Variants in TLK1 observed in about 807,000 individuals in gnomAD.
TLK1 encodes serine/threonine-protein kinase tousled-like 1.
Under a neutral mutation model 105.3 loss-of-function variants are expected in TLK1, and 24 were observed. The observed-to-expected ratio is 0.23, with a 90% CI of 0.17 to 0.32. The LOEUF (loss-of-function observed/expected upper bound fraction) is 0.32. Among genes scored for constraint, TLK1 ranks in the 10% least tolerant of loss-of-function variants. TLK1 has a pLI of 1.00. For synonymous variants in TLK1, 321 were observed against 310.4 expected (o/e 1.03, Z -0.36); for missense variants, 558 against 910.5 (o/e 0.61, Z 4.98).
At chr2:171,113,399 T>C (rs1422344926) in intron 2 of TLK1, among the ~76,000 whole-genome samples, 2 of 152,018 alleles carry the variant, frequency 1.3e-5, no homozygotes, top group Non-Finnish European at 2.9e-5. Flanking sequence ...GCCTCCCAAG[T>C]AGCTGGGATT....
At chr2:171,104,266 G>A (rs1409926023) in intron 2 of TLK1, among the ~76,000 whole-genome samples, 3 of 140,412 alleles carry the variant, frequency 2.1e-5, no homozygotes, top group Non-Finnish European at 3.0e-5. Context: ...ACAGAGTTGA[G>A]ATTCTGTCTC....
intron 3 of TLK1, among the ~76,000 whole-genome samples, chr2:171,074,184 C>T (rs1268377399): frequency 6.6e-6 from 1 of 152,194 alleles, no homozygotes; most frequent in Admixed American, 6.5e-5. Context: ...AGCCGCCCCT[C>T]CCGGCCACAT....
At chr2:171,183,162 T>C (rs1463629824) in intron 1 of TLK1, among the ~76,000 whole-genome samples, 1 of 152,168 alleles carries the variant, frequency 6.6e-6, no homozygotes. Flanking sequence ...AGAATAAGTG[T>C]AATATATGTA....
At chr2:171,001,104 G>A (rs1684345213) in intron 18 of TLK1, among the ~76,000 whole-genome samples, 1 of 152,154 alleles carries the variant, frequency 6.6e-6, no homozygotes, top group African/African-American at 2.4e-5. Flanking sequence ...ACTGGACACG[G>A]TTTTCTCTTG....
rs1683762604 is a variant in TLK1 at position 170,991,042 on chromosome 2, AACC to A, written c.*2735_*2737del. 1.3e-5 allele frequency: 2 copies of A among 152,148 alleles called. No homozygotes were observed. Among genetic ancestry groups the A allele is most frequent in the South Asian group, 2.1e-4 (1 of 4,832 alleles). 9.4% of individuals were successfully genotyped at this position (152,148 alleles called of 1,614,324 possible). ...AAAGATTGAGTCTTTATTTTTGAAA[AACC>A]ACCAAGTATCTCCAACTCCCAACTT... is the stretch of plus-strand genomic sequence containing the variant. On this transcript the variant is annotated 3_prime_UTR_variant, in exon 21 of 21. Coordinates refer to ENST00000431350, the MANE Select transcript of TLK1 (RefSeq NM_012290.5).
rs1323787292 is a variant in TLK1, at chr2:171,006,135, T to C, written c.1904+12A>G. 1.5e-5 allele frequency: 24 copies of C among 1,565,984 alleles called. No homozygotes were observed. The highest frequency in any genetic ancestry group is 1.8e-5 in the Non-Finnish European group (21 of 1,161,632). ...AATCTAGACATTCTGATGTTTTTAGTAATACACTTACCAGTAAGTGCCTGC... is the reference window on the plus strand; with the variant it reads ...AATCTAGACATTCTGATGTTTTTAGCAATACACTTACCAGTAAGTGCCTGC... On this transcript the variant is annotated intron_variant, in intron 18 of 20. Coordinates refer to ENST00000431350, the MANE Select transcript of TLK1 (RefSeq NM_012290.5).
At chr2:171,101,396 C>A (rs768602887) in intron 2 of TLK1, among the ~76,000 whole-genome samples, 4 of 144,012 alleles carry the variant, frequency 2.8e-5, no homozygotes, top group African/African-American at 5.3e-5. Context: ...TATTGTATCA[C>A]TCCATTGATA....
At chr2:171,189,782 C>G (rs1361584783) in intron 1 of TLK1, among the ~76,000 whole-genome samples, 1 of 152,088 alleles carries the variant, frequency 6.6e-6, no homozygotes. Flanking sequence ...GGTTTTTGCC[C>G]TCATGTTGTC....
At chr2:171,040,408 T>C (rs904958400) in intron 11 of TLK1, among the ~76,000 whole-genome samples, 1 of 152,154 alleles carries the variant, frequency 6.6e-6, no homozygotes, top group African/African-American at 2.4e-5. Flanking sequence ...GAAGAGAATG[T>C]ATCCGTGTGG....
chr2:171,095,259 G>C (rs369972206), intron 2 of TLK1, among the ~76,000 whole-genome samples: 4 of 151,336 alleles, frequency 2.6e-5, no homozygotes, highest in Admixed American at 2.6e-4. Context: ...CAAGCAGGGG[G>C]GAAAATATAT....
intron 2 of TLK1, among the ~76,000 whole-genome samples, chr2:171,109,565 A>G (rs1182914180): frequency 6.6e-6 from 1 of 152,230 alleles, no homozygotes; most frequent in Non-Finnish European, 1.5e-5. Flanking sequence ...AGAACAATCA[A>G]AGTTCTTATA....
intron 1 of TLK1, among the ~76,000 whole-genome samples, chr2:171,194,624 T>C (rs1693225502): frequency 6.6e-6 from 1 of 152,004 alleles, no homozygotes; most frequent in Non-Finnish European, 1.5e-5. Flanking sequence ...GAGACCATCC[T>C]GGCTAACACG....
intron 11 of TLK1, among the ~76,000 whole-genome samples, chr2:171,043,994 A>G (rs1005723633): frequency 6.6e-6 from 1 of 152,246 alleles, no homozygotes; most frequent in Non-Finnish European, 1.5e-5. Flanking sequence ...AAATTAATAT[A>G]GTCAAAATGT....
intron 4 of TLK1, among the ~76,000 whole-genome samples, chr2:171,060,802 A>G (rs952666776): frequency 6.6e-6 from 1 of 152,180 alleles, no homozygotes; most frequent in African/African-American, 2.4e-5. Context: ...TTCAAAAACA[A>G]GCCATTTCAA....
At chr2:171,119,977 T>C (rs1362963721) in intron 1 of TLK1, among the ~76,000 whole-genome samples, 1 of 152,154 alleles carries the variant, frequency 6.6e-6, no homozygotes, top group East Asian at 1.9e-4. Flanking sequence ...CCAGGTGCAG[T>C]GGCTCATGCC....
At chr2:171,035,341 CAA>C (rs60204275) in intron 11 of TLK1, among the ~76,000 whole-genome samples, 88,702 of 148,098 alleles carry the variant, frequency 0.6, 28,491 homozygotes, top group East Asian at 0.95. Flanking sequence ...AACTCCGTCT[CAA>C]AAAAAAAAAA....
chr2:171,096,707 A>C (rs941366271), intron 2 of TLK1, among the ~76,000 whole-genome samples: 7 of 151,850 alleles, frequency 4.6e-5, no homozygotes, highest in Non-Finnish European at 1.0e-4. Flanking sequence ...GCAGTGAACC[A>C]AGATGGCACC....
chr2:171,193,361 A>T (rs79539240), intron 1 of TLK1, among the ~76,000 whole-genome samples: 3 of 151,514 alleles, frequency 2.0e-5, no homozygotes, highest in African/African-American at 7.3e-5. Flanking sequence ...AGTGACTGTT[A>T]ATTTTTTTTG....
Position 170,992,970 on chromosome 2 carries a change from T to G in TLK1, c.*810A>C, listed in dbSNP as rs1683848511. The G allele has an allele frequency of 6.6e-6, 1 of 152,636 alleles. No individual in the cohort carries two copies. The allele number at this position is 152,636 out of a possible 1,614,324, so 9.5% of individuals were successfully genotyped here. On this transcript the variant is annotated 3_prime_UTR_variant, in exon 21 of 21. Coordinates refer to ENST00000431350, the MANE Select transcript of TLK1 (RefSeq NM_012290.5). Reference sequence around the variant, plus strand: ...CTGCATTTGGTTACTCACTGTCACCTGTTTTGATGAACAAGGCCTGGTAAC... The same window carrying G: ...CTGCATTTGGTTACTCACTGTCACCGGTTTTGATGAACAAGGCCTGGTAAC...
Sources: allele counts gnomAD v4.1 joint callset (sites outside exome capture counted in the v4.1 genomes callset), GRCh38; gene constraint gnomAD v4.1.1; transcripts MANE v1.5; gene names NCBI Gene and HGNC (gene_info 2026-07-23, HGNC 2026-07-21).